Variants in DROSHA observed in about 807,000 individuals in gnomAD.
DROSHA encodes drosha ribonuclease III.
In DROSHA, 56 loss-of-function variants were observed where a neutral mutation model predicts 181.9. The ratio of observed to expected loss-of-function variants is 0.31; its 90% CI spans 0.25 to 0.38. The LOEUF (loss-of-function observed/expected upper bound fraction) is 0.38, where lower values mean the gene tolerates loss of function less well. Ranked by LOEUF, DROSHA falls within the 10% of genes least tolerant of loss-of-function variation. The probability of loss-of-function intolerance (pLI) is 1.00; values close to 1 mark genes in which losing one functional copy is unlikely to be tolerated. For missense variants in DROSHA, 1,218 were observed against 1,743.5 expected, an observed-to-expected ratio of 0.70 and a Z score of 5.37; for synonymous variants, 524 against 591.2, an observed-to-expected ratio of 0.89 and a Z score of 1.65.
At chr5:31,461,440 T>G (rs1223888383) in intron 20 of DROSHA, among the ~76,000 whole-genome samples, 1 of 152,184 alleles carries the variant, frequency 6.6e-6, no homozygotes, top group African/African-American at 2.4e-5. Flanking sequence ...TTCTGTAAGA[T>G]GTATCTGTAG....
In DROSHA at chr5:31,523,900, G is replaced by A. The variant is rs572276740; in HGVS notation, c.854+2179C>T. Among the ~76,000 whole-genome samples the A allele has an allele frequency of 8.6e-5, 13 of 150,438 alleles. No individual in the cohort carries two copies. The East Asian group carries it at 2.1e-3, about 25-fold the overall frequency. ...TGAGACAGGAGAATCGCTTGAACCC[G>A]GGAGGCAGAGGTTGCAGTGAGCCGA... On this transcript the variant is annotated intron_variant, in intron 5 of 35. Coordinates refer to ENST00000344624, the MANE Select transcript of DROSHA (RefSeq NM_001382508.1).
intron 23 of DROSHA, among the ~76,000 whole-genome samples, chr5:31,440,797 T>TTAC (rs1561164516): frequency 7.2e-5 from 11 of 152,174 alleles, no homozygotes; most frequent in Admixed American, 7.2e-4. Flanking sequence ...TAATATTGTA[T>TTAC]AAAATTACCT....
Position 31,528,960 on chromosome 5 carries a change from C to T in DROSHA, c.20+80G>A. 2.6e-6 allele frequency: 4 copies of T among 1,567,630 alleles called. No individual in the cohort carries two copies. The South Asian group carries it at 4.7e-5, about 18-fold the overall frequency. Reference sequence around the variant, plus strand: ...CTCTCCCCATGTATCTAAATCCTTTCCACCCTCTATAGCCCAGCACCAATG... The same window carrying T: ...CTCTCCCCATGTATCTAAATCCTTTTCACCCTCTATAGCCCAGCACCAATG... On this transcript the variant is annotated intron_variant, in intron 4 of 35. Transcript: ENST00000344624.
At chr5:31,455,070 T>A (rs1317620752) in intron 20 of DROSHA, among the ~76,000 whole-genome samples, 1 of 150,416 alleles carries the variant, frequency 6.6e-6, no homozygotes, top group Non-Finnish European at 1.5e-5. Context: ...AGAAATGAGA[T>A]TAGAGGAAAG....
chr5:31,447,951 C>T (rs1746508812), intron 23 of DROSHA, among the ~76,000 whole-genome samples: 2 of 152,098 alleles, frequency 1.3e-5, no homozygotes, highest in Admixed American at 6.5e-5. Context: ...TCTGGCAGTT[C>T]CTTAAAAGGT....
chr5:31,468,231 TATA>T (rs756611807), intron 17 of DROSHA, among the ~76,000 whole-genome samples, 168 bp from the exon 18 acceptor site: 4 of 152,236 alleles, frequency 2.6e-5, no homozygotes, highest in Non-Finnish European at 4.4e-5. Context: ...ATCTAAAAAC[TATA>T]ATGTCATCCT....
At chr5:31,438,244 T>C (rs1209724964) in intron 23 of DROSHA, among the ~76,000 whole-genome samples, 1 of 152,110 alleles carries the variant, frequency 6.6e-6, no homozygotes, top group African/African-American at 2.4e-5. Context: ...AGACATGACA[T>C]GAAGTGATTT....
chr5:31,528,228 G>A (rs1682018519), intron 4 of DROSHA, among the ~76,000 whole-genome samples: 1 of 152,072 alleles, frequency 6.6e-6, no homozygotes, highest in South Asian at 2.1e-4. Context: ...CAATCTGTCA[G>A]AAACTCCCAA....
At chr5:31,518,522 G>A (rs139618939) in intron 6 of DROSHA, among the ~76,000 whole-genome samples, 7 of 152,244 alleles carry the variant, frequency 4.6e-5, no homozygotes, top group African/African-American at 1.7e-4. Flanking sequence ...TTTCTAACCA[G>A]GTAGTCCTTT....
chr5:31,455,130 A>G (rs567137258), intron 20 of DROSHA, among the ~76,000 whole-genome samples: 9 of 152,176 alleles, frequency 5.9e-5, no homozygotes, highest in African/African-American at 1.9e-4. Context: ...ACATAAAAGG[A>G]GATAAGCATT....
chr5:31,508,742 T>A lies in DROSHA; in HGVS notation c.1466A>T (p.Glu489Val), dbSNP rs1408696178. ...SSSESECESDEDSTCSSSSDS... is the reference protein window; with the variant it reads ...SSSESECESDVDSTCSSSSDS... ...TGAGCTGCTAGAACAGGTGCTGTCC[T>A]CATCAGACTCACACTCGGATTCACT... The change falls in exon 10 of 36, where the codon GAG (glutamate) becomes GTG (valine). Residue 489 changes from glutamate (E) to valine (V), a missense_variant. By Grantham distance (121) the Glu-to-Val change is moderately radical. Coordinates refer to ENST00000344624, the MANE Select transcript of DROSHA (RefSeq NM_001382508.1). The A allele has an allele frequency of 6.2e-7, 1 of 1,613,702 alleles. No homozygotes were observed. The highest frequency in any genetic ancestry group is 8.5e-7 in the Non-Finnish European group (1 of 1,179,856).
rs574385750 is a variant in DROSHA at position 31,521,133 on chromosome 5, T to C, written c.937A>G (p.Arg313Gly). 26 of 1,613,624 alleles carry C rather than the reference T, an allele frequency of 1.6e-5. No individual in the cohort carries two copies. In the South Asian group the frequency reaches 2.7e-4, roughly 17 times the overall value. ...LERSYKKEYK[R>G]SGRSYGLSVV... is the part of the protein sequence containing the mutation. ...CAACTCCTTGCTTACCTTCCAGATCTCTTATACTCTTTTTTGTAGGACCTT... is the reference window on the plus strand; with the variant it reads ...CAACTCCTTGCTTACCTTCCAGATCCCTTATACTCTTTTTTGTAGGACCTT... Residue 313 changes from arginine (R) to glycine (G), a missense_variant, in exon 6 of 36, where the codon AGA (arginine) becomes GGA (glycine). Arg to Gly is a moderately radical substitution (Grantham distance 125). This residue lies in a region of DROSHA where 536 missense variants were observed against 535.4 expected (regional missense o/e 1.00). Coordinates refer to ENST00000344624, the MANE Select transcript of DROSHA (RefSeq NM_001382508.1).
At chr5:31,430,607 C>A (rs1437319119) in intron 26 of DROSHA, among the ~76,000 whole-genome samples, 1 of 152,188 alleles carries the variant, frequency 6.6e-6, no homozygotes, top group Non-Finnish European at 1.5e-5. Context: ...AATGATGGAA[C>A]AGGAAATTGA....
At chr5:31,517,852 G>T (rs1042506843) in intron 6 of DROSHA, among the ~76,000 whole-genome samples, 1 of 151,980 alleles carries the variant, frequency 6.6e-6, no homozygotes, top group African/African-American at 2.4e-5. Context: ...ATCACTTGAG[G>T]CCAGTCGTTC....
chr5:31,404,742 C>G (rs552049207), intron 35 of DROSHA, among the ~76,000 whole-genome samples: 2 of 152,146 alleles, frequency 1.3e-5, no homozygotes, highest in African/African-American at 2.4e-5. Flanking sequence ...ACGCATCCCA[C>G]TCCTGGGAAC....
intron 33 of DROSHA, among the ~76,000 whole-genome samples, chr5:31,408,414 T>C (rs757529647): frequency 6.6e-6 from 1 of 152,226 alleles, no homozygotes; most frequent in Non-Finnish European, 1.5e-5. Flanking sequence ...AATCAACCTA[T>C]GTGTGTCTCA....
intron 20 of DROSHA, among the ~76,000 whole-genome samples, chr5:31,461,816 G>A (rs1490152580): frequency 1.3e-5 from 2 of 150,194 alleles, no homozygotes; most frequent in Non-Finnish European, 3.0e-5. Flanking sequence ...TGAATGAGTT[G>A]ATGAACACCT....
intron 6 of DROSHA, among the ~76,000 whole-genome samples, chr5:31,520,041 A>G (rs1279463930): frequency 6.6e-6 from 1 of 152,002 alleles, no homozygotes; most frequent in Non-Finnish European, 1.5e-5. Context: ...GAATGAGCTG[A>G]GCTTTCCTTC....
chr5:31,488,822 A>G (rs907613554), intron 13 of DROSHA, among the ~76,000 whole-genome samples: 5 of 152,220 alleles, frequency 3.3e-5, no homozygotes, highest in Non-Finnish European at 5.9e-5. Flanking sequence ...GAAGACTGGA[A>G]AGGAAGAGAA....
Sources: allele counts gnomAD v4.1 joint callset (sites outside exome capture counted in the v4.1 genomes callset), GRCh38; gene constraint gnomAD v4.1.1; regional missense constraint gnomAD v4.1.1; transcripts MANE v1.5; gene names NCBI Gene and HGNC (gene_info 2026-07-23, HGNC 2026-07-21).